Variants in ADD3 observed in about 807,000 individuals in gnomAD.
ADD3 encodes gamma-adducin.
ADD3 carries 25 observed loss-of-function variants against 80.2 expected under a neutral mutation model. The ratio of observed to expected loss-of-function variants is 0.31; its 90% CI spans 0.23 to 0.44. ADD3 has a LOEUF of 0.44. Among genes scored for constraint, ADD3 ranks in the 20% least tolerant of loss-of-function variants. The probability of loss-of-function intolerance (pLI) is 1.00; values close to 1 mark genes in which losing one functional copy is unlikely to be tolerated. For synonymous variants in ADD3, 284 were observed against 289.6 expected, an observed-to-expected ratio of 0.98 and a Z score of 0.20; for missense variants, 829 against 847.5, an observed-to-expected ratio of 0.98 and a Z score of 0.27.
chr10:110,042,624 G>T (rs1427240918), intron 1 of ADD3, among the ~76,000 whole-genome samples: 1 of 150,866 alleles, frequency 6.6e-6, no homozygotes, highest in Non-Finnish European at 1.5e-5. Flanking sequence ...TCTAGAAGAA[G>T]AATTAGCACA....
intron 3 of ADD3, among the ~76,000 whole-genome samples, chr10:110,115,783 G>C (rs1565007768): frequency 6.6e-6 from 1 of 152,196 alleles, no homozygotes; most frequent in Non-Finnish European, 1.5e-5. Flanking sequence ...GATCATTAGA[G>C]ACCTTCAAGA....
intron 1 of ADD3, among the ~76,000 whole-genome samples, chr10:110,060,614 T>C (rs1441093988): frequency 1.3e-5 from 2 of 152,224 alleles, no homozygotes; most frequent in Non-Finnish European, 2.9e-5. Flanking sequence ...TTCATCTCAC[T>C]ATCCTAAAAA....
intron 1 of ADD3, among the ~76,000 whole-genome samples, chr10:109,999,919 GT>G (rs1211606435): frequency 0.014 from 1,581 of 115,734 alleles, 9 homozygotes; most frequent in African/African-American, 0.042. Context: ...TCTTAAGGTT[GT>G]TTTTTTTTTT....
At chr10:110,005,297 T>C (rs1232998756), upstream of ADD3, among the ~76,000 whole-genome samples, 2 of 151,450 alleles carry the variant, frequency 1.3e-5, no homozygotes, top group Non-Finnish European at 2.9e-5. Context: ...CCTGACCTCG[T>C]GATCTACCTG....
intron 9 of ADD3, 81 bp from the exon 10 acceptor site, chr10:110,123,936 T>G: frequency 7.2e-7 from 1 of 1,398,300 alleles, no homozygotes; most frequent in Non-Finnish European, 9.8e-7. Flanking sequence ...TTTAAATCAT[T>G]TGTATACAAA....
chr10:110,022,634 A>G (rs1382899847), intron 1 of ADD3, among the ~76,000 whole-genome samples: 3 of 152,238 alleles, frequency 2.0e-5, no homozygotes, highest in Non-Finnish European at 4.4e-5. Flanking sequence ...AAGGAAGCAT[A>G]TGTGAACCAG....
intron 1 of ADD3, among the ~76,000 whole-genome samples, chr10:110,086,386 G>C (rs1460066228): frequency 3.3e-5 from 5 of 152,150 alleles, no homozygotes; most frequent in Admixed American, 3.3e-4. Flanking sequence ...CTCCAGCCTG[G>C]GGACAGAGTG....
chr10:110,011,011 C>G (rs745388785), intron 1 of ADD3, among the ~76,000 whole-genome samples: 2 of 152,042 alleles, frequency 1.3e-5, no homozygotes, highest in Non-Finnish European at 2.9e-5. Context: ...TCTTTTGATA[C>G]ACAACATATG....
intron 1 of ADD3, among the ~76,000 whole-genome samples, chr10:109,999,152 G>A (rs576661765): frequency 6.6e-6 from 1 of 152,218 alleles, no homozygotes; most frequent in South Asian, 2.1e-4. Context: ...ATGAACGCTG[G>A]GTGTTTCAGG....
intron 1 of ADD3, among the ~76,000 whole-genome samples, chr10:110,052,239 T>A (rs968884527): frequency 2.0e-5 from 3 of 152,182 alleles, no homozygotes; most frequent in Non-Finnish European, 2.9e-5. Flanking sequence ...AAGTAGTAGG[T>A]ACCCCCTCCC....
intron 12 of ADD3, among the ~76,000 whole-genome samples, chr10:110,127,929 A>G (rs1160367315): frequency 6.6e-6 from 1 of 152,218 alleles, no homozygotes; most frequent in Non-Finnish European, 1.5e-5. Flanking sequence ...TCAAATGTGC[A>G]TATAATGGAT....
At chr10:110,064,767 A>G (rs1221757978) in intron 1 of ADD3, among the ~76,000 whole-genome samples, 1 of 152,176 alleles carries the variant, frequency 6.6e-6, no homozygotes, top group Admixed American at 6.5e-5. Flanking sequence ...CTTATATGCT[A>G]TTATTAACCA....
Position 110,019,810 on chromosome 10 carries a change from G to A in ADD3, c.-30+11511G>A, listed in dbSNP as rs180765300. 3.0e-3 allele frequency among the ~76,000 whole-genome samples: 453 copies of A among 152,278 alleles called. 3 individuals are homozygous for A. Among genetic ancestry groups the A allele is most frequent in the African/African-American group, 0.01 (428 of 41,562 alleles). On this transcript the variant is annotated intron_variant, in intron 1 of 14. Coordinates refer to ENST00000356080, the MANE Select transcript of ADD3 (RefSeq NM_016824.5). ...TGGCCAAGAAACCTATGATTGTACTGTGTGAAGATTCTGGGAATGGGGCTA... is the reference window on the plus strand; with the variant it reads ...TGGCCAAGAAACCTATGATTGTACTATGTGAAGATTCTGGGAATGGGGCTA...
intron 1 of ADD3, among the ~76,000 whole-genome samples, chr10:110,050,295 C>G (rs373132115): frequency 8.0e-4 from 121 of 152,176 alleles, no homozygotes; most frequent in Non-Finnish European, 1.3e-3. Context: ...AGGAGGGACC[C>G]AGTGGGAGAT....
chr10:110,118,878 T>G, intron 6 of ADD3, 142 bp downstream of exon 6: 1 of 809,666 alleles, frequency 1.2e-6, no homozygotes, highest in Non-Finnish European at 1.9e-6. Flanking sequence ...AAAAGGCCTT[T>G]GGGACCAAAT....
upstream of ADD3, among the ~76,000 whole-genome samples, chr10:110,007,715 T>G (rs1043588597): frequency 6.6e-6 from 1 of 151,872 alleles, no homozygotes; most frequent in Non-Finnish European, 1.5e-5. Flanking sequence ...ACTTAGAGCT[T>G]GAGGGCGCGG....
At chr10:110,064,941 C>G (rs1843718411) in intron 1 of ADD3, among the ~76,000 whole-genome samples, 1 of 152,080 alleles carries the variant, frequency 6.6e-6, no homozygotes, top group South Asian at 2.1e-4. Context: ...ACCTGTAGTC[C>G]TAGCTATGCA....
chr10:110,022,468 G>A (rs1853791472), intron 1 of ADD3, among the ~76,000 whole-genome samples: 2 of 151,682 alleles, frequency 1.3e-5, no homozygotes, highest in African/African-American at 4.8e-5. Context: ...TTTTTTTGAG[G>A]TATAATTCAC....
chr10:110,122,893 A>G (rs939543254), intron 9 of ADD3, among the ~76,000 whole-genome samples: 2 of 151,918 alleles, frequency 1.3e-5, no homozygotes, highest in Non-Finnish European at 2.9e-5. Flanking sequence ...CAGCCTCCCA[A>G]AGTGCTGGGA....
Sources: allele counts gnomAD v4.1 joint callset (sites outside exome capture counted in the v4.1 genomes callset), GRCh38; gene constraint gnomAD v4.1.1; transcripts MANE v1.5; gene names NCBI Gene and HGNC (gene_info 2026-07-23, HGNC 2026-07-21).